The following NELL1 variants were observed in gnomAD, a reference collection of about 807,000 sequenced individuals.
The protein encoded by NELL1 is neural EGFL like 1, also known as protein kinase C-binding protein NELL1.
NELL1 carries 76 observed loss-of-function variants against 107.4 expected under a neutral mutation model. That is an observed-to-expected ratio of 0.71 (90% CI 0.59 to 0.86). The LOEUF (loss-of-function observed/expected upper bound fraction) is 0.86, where lower values mean the gene tolerates loss of function less well. NELL1 is among the 40% of genes least tolerant of loss of function. NELL1 has a pLI of 0.00. For missense variants in NELL1, 1,024 were observed against 1,005.5 expected (o/e 1.02, Z -0.25); for synonymous variants, 353 against 341.2 (o/e 1.03, Z -0.38).
chr11:21,015,783 T>C (rs192863091), intron 12 of NELL1, among the ~76,000 whole-genome samples: 1 of 152,218 alleles, frequency 6.6e-6, no homozygotes, highest in East Asian at 1.9e-4. Flanking sequence ...TGCATTTAAG[T>C]TAAAACATGC....
At chr11:21,321,586 C>T (rs545623275) in intron 14 of NELL1, among the ~76,000 whole-genome samples, 7 of 152,274 alleles carry the variant, frequency 4.6e-5, no homozygotes, top group Admixed American at 1.3e-4. Flanking sequence ...ATATTTGCTA[C>T]GTGCTGAAAA....
chr11:21,309,218 C>G (rs1383534307), intron 14 of NELL1, among the ~76,000 whole-genome samples: 4 of 141,972 alleles, frequency 2.8e-5, no homozygotes, highest in Admixed American at 1.5e-4. Context: ...CTATGTATGC[C>G]TCTTAAAGCC....
intron 2 of NELL1, among the ~76,000 whole-genome samples, chr11:20,733,429 A>C (rs1261798358): frequency 6.6e-6 from 1 of 152,190 alleles, no homozygotes; most frequent in Non-Finnish European, 1.5e-5. Context: ...CTCAAGCTGG[A>C]CCATGCCTAA....
intron 14 of NELL1, among the ~76,000 whole-genome samples, chr11:21,269,705 A>G (rs1848703000): frequency 6.6e-6 from 1 of 152,144 alleles, no homozygotes. Context: ...ATAGAAGAGG[A>G]AAATCATATA....
intron 17 of NELL1, 116 bp from the exon 18 acceptor site, chr11:21,570,648 G>C: frequency 2.4e-6 from 2 of 845,932 alleles, no homozygotes; most frequent in Admixed American, 2.6e-5. Context: ...CTTCAGTTTT[G>C]AACAGAATGA....
At chr11:21,332,784 A>T (rs906886454) in intron 14 of NELL1, among the ~76,000 whole-genome samples, 4 of 151,954 alleles carry the variant, frequency 2.6e-5, no homozygotes, top group African/African-American at 9.7e-5. Flanking sequence ...TAATTTTTAT[A>T]TAACTGAAAT....
chr11:21,535,053 A>G (rs1158590046), intron 16 of NELL1, among the ~76,000 whole-genome samples: 2 of 152,190 alleles, frequency 1.3e-5, no homozygotes, highest in Non-Finnish European at 2.9e-5. Flanking sequence ...GAATTGATGC[A>G]CATATATGAT....
chr11:20,792,413 T>C (rs546884443), intron 3 of NELL1, among the ~76,000 whole-genome samples: 2 of 152,146 alleles, frequency 1.3e-5, no homozygotes, highest in Admixed American at 1.3e-4. Flanking sequence ...CAGATAATCC[T>C]TTTTTCTTTC....
chr11:21,177,516 G>T (rs1228029955), intron 13 of NELL1, among the ~76,000 whole-genome samples: 1 of 151,750 alleles, frequency 6.6e-6, no homozygotes, highest in East Asian at 1.9e-4. Context: ...GTCTGTTGAT[G>T]GGCACCCTGG....
At chr11:21,337,781 T>TTTCC (rs1252320907) in intron 14 of NELL1, among the ~76,000 whole-genome samples, 36 of 140,150 alleles carry the variant, frequency 2.6e-4, no homozygotes, top group Non-Finnish European at 3.4e-4. Context: ...TCTTTCTTTC[T>TTTCC]TTCTTTCTTT....
intron 2 of NELL1, among the ~76,000 whole-genome samples, chr11:20,764,750 T>G (rs539434245): frequency 2.2e-4 from 29 of 129,436 alleles, no homozygotes; most frequent in African/African-American, 8.2e-4. Context: ...GGTGAGATGT[T>G]GAGTCTGTGT....
intron 12 of NELL1, among the ~76,000 whole-genome samples, chr11:20,984,817 A>G (rs1851819495): frequency 6.6e-6 from 1 of 152,168 alleles, no homozygotes; most frequent in Non-Finnish European, 1.5e-5. Flanking sequence ...TTTTGAAGGT[A>G]CATTAACTCG....
At chr11:21,397,902 A>G (rs1476808790) in intron 15 of NELL1, among the ~76,000 whole-genome samples, 3 of 151,500 alleles carry the variant, frequency 2.0e-5, no homozygotes, top group African/African-American at 4.8e-5. Context: ...TGAGAAGACA[A>G]AGCTCTCACC....
chr11:20,890,370 A>T (rs1237065609), intron 5 of NELL1, among the ~76,000 whole-genome samples: 1 of 152,184 alleles, frequency 6.6e-6, no homozygotes, highest in African/African-American at 2.4e-5. Context: ...CAGCAGCCTC[A>T]AAGACTGAAA....
At chr11:20,673,654 C>T (rs34615220) in intron 1 of NELL1, among the ~76,000 whole-genome samples, 6,147 of 152,250 alleles carry the variant, frequency 0.04, 429 homozygotes, top group East Asian at 0.31. Flanking sequence ...TCAAGTGCCT[C>T]TGTGACATTG....
At chr11:21,471,762 A>G (rs1564910935) in intron 15 of NELL1, among the ~76,000 whole-genome samples, 1 of 151,902 alleles carries the variant, frequency 6.6e-6, no homozygotes, top group Non-Finnish European at 1.5e-5. Context: ...AGTTCTGTTG[A>G]CTCCTAAGTT....
At chr11:21,440,387 T>G (rs189766668) in intron 15 of NELL1, among the ~76,000 whole-genome samples, 40 of 152,242 alleles carry the variant, frequency 2.6e-4, no homozygotes, top group African/African-American at 9.6e-4. Flanking sequence ...TATTTTTATT[T>G]TAGTTAGTTA....
intron 15 of NELL1, among the ~76,000 whole-genome samples, chr11:21,453,356 A>G (rs1275579577): frequency 1.3e-5 from 2 of 152,146 alleles, no homozygotes; most frequent in Admixed American, 6.5e-5. Context: ...TAATTATCTA[A>G]TACCCATTCC....
At position 20,839,388 on chromosome 11, in the gene NELL1, C is replaced by T. The variant is rs189858212; in HGVS notation, c.336-8195C>T. Among the ~76,000 whole-genome samples the T allele has an allele frequency of 4.1e-3, 624 of 152,228 alleles. 1 individual carries two copies. Among genetic ancestry groups the T allele is most frequent in the Non-Finnish European group, 6.1e-3 (416 of 68,016 alleles). On this transcript the variant is annotated intron_variant, in intron 3 of 19. Transcript: ENST00000357134. ...GAACTAATATGTAACTTTACAACTACAAGTAAAAATCACCAGGTCTAGTCT... is the reference window on the plus strand; with the variant it reads ...GAACTAATATGTAACTTTACAACTATAAGTAAAAATCACCAGGTCTAGTCT...
Sources: gnomAD v4.1 joint callset for allele counts (sites outside exome capture counted in the v4.1 genomes callset) on GRCh38, gnomAD v4.1.1 for gene constraint, MANE v1.5 for transcripts, NCBI Gene and HGNC (gene_info 2026-07-23, HGNC 2026-07-21) for gene names.